SP3: variants seen among roughly 807,000 people sequenced by gnomAD.
The protein encoded by SP3 is transcription factor Sp3.
SP3 carries 10 observed loss-of-function variants against 70.3 expected under a neutral mutation model. The ratio of observed to expected loss-of-function variants is 0.14; its 90% confidence interval spans 0.09 to 0.24. The LOEUF (loss-of-function observed/expected upper bound fraction) is 0.24, where lower values mean the gene tolerates loss of function less well. Among genes scored for constraint, SP3 ranks in the 10% least tolerant of loss-of-function variants. The pLI is 1.00. For synonymous variants in SP3, 402 were observed against 333.5 expected, an observed-to-expected ratio of 1.21 and a Z score of -2.24; for missense variants, 825 against 914.6, an observed-to-expected ratio of 0.90 and a Z score of 1.26.
chr2:173,924,069 C>T (rs893171132), intron 4 of SP3, among the ~76,000 whole-genome samples: 8 of 151,868 alleles, frequency 5.3e-5, no homozygotes, highest in African/African-American at 1.9e-4. Context: ...TAAATGTTAT[C>T]CCCTTACCAA....
chr2:173,964,990 G>A, intron 1 of SP3, 175 bp downstream of exon 1: 1 of 817,602 alleles, frequency 1.2e-6, no homozygotes, highest in Non-Finnish European at 1.8e-6. Context: ...TTCGGGGGTG[G>A]ACGGTGGCTG....
intron 4 of SP3, among the ~76,000 whole-genome samples, chr2:173,924,022 AAAG>A (rs1689838508): frequency 6.6e-6 from 1 of 152,040 alleles, no homozygotes. Context: ...ACTAATGCTA[AAAG>A]AAGTTAACAC....
At chr2:173,953,828 T>C (rs564226329) in intron 4 of SP3, among the ~76,000 whole-genome samples, 2 of 151,510 alleles carry the variant, frequency 1.3e-5, no homozygotes, top group East Asian at 3.9e-4. Flanking sequence ...TCAGAAATCC[T>C]AATCCCAACC....
chr2:173,964,598 T>A (rs774965909), intron 1 of SP3, 45 bp from the exon 2 acceptor site: 8 of 503,682 alleles, frequency 1.6e-5, no homozygotes, highest in South Asian at 1.3e-4. Context: ...GGAAGGCGGG[T>A]GGCGGAGAGG....
chr2:173,932,416 CCT>C (rs1690090690), intron 4 of SP3, among the ~76,000 whole-genome samples: 1 of 152,144 alleles, frequency 6.6e-6, no homozygotes, highest in African/African-American at 2.4e-5. Flanking sequence ...CACTTGAACC[CCT>C]GACCTCAACT....
intron 4 of SP3, among the ~76,000 whole-genome samples, chr2:173,932,401 G>C (rs1038110133): frequency 1.3e-5 from 2 of 152,112 alleles, no homozygotes; most frequent in Non-Finnish European, 2.9e-5. Context: ...ATGTTGGCCA[G>C]GCTGCACTTG....
chr2:173,920,644 G>C (rs1315372798), intron 4 of SP3, among the ~76,000 whole-genome samples: 1 of 151,952 alleles, frequency 6.6e-6, no homozygotes, highest in Non-Finnish European at 1.5e-5. Flanking sequence ...GTCTTGCTCT[G>C]TGGTGGCGTG....
intron 5 of SP3, chr2:173,916,016 C>G (rs531211024): frequency 3.3e-5 from 5 of 152,094 alleles, no homozygotes; most frequent in Non-Finnish European, 5.9e-5. Flanking sequence ...TTTTTAATTA[C>G]TATCTGTATC....
chr2:173,926,256 A>T (rs76012151), intron 4 of SP3, among the ~76,000 whole-genome samples: 1,553 of 152,314 alleles, frequency 0.01, 30 homozygotes, highest in African/African-American at 0.035. Flanking sequence ...CTTCTTTAGT[A>T]AGACCAATGA....
rs530301197 is a variant in SP3, at chr2:173,904,199, C to T, written c.*5742G>A. Among the ~76,000 whole-genome samples the T allele has an allele frequency of 5.3e-5, 8 of 152,242 alleles. No individual in the cohort carries two copies. Among genetic ancestry groups the T allele is most frequent in the Admixed American group, 3.3e-4 (5 of 15,304 alleles). ...TGCTCGCTTACCTCCTGCTGTATGG[C>T]CTGGTTCCTCACAGACCAGGGACCA... On this transcript the variant is annotated 3_prime_UTR_variant, in exon 7 of 7. Transcript: ENST00000310015.
intron 2 of SP3, 141 bp from the exon 3 acceptor site, chr2:173,964,024 T>C (rs1318582377): frequency 3.2e-5 from 13 of 400,954 alleles, no homozygotes; most frequent in Middle Eastern, 7.0e-4. Flanking sequence ...CTCCTCCTCC[T>C]CCTCCTCCTC....
chr2:173,957,214 A>G (rs1432964374), intron 3 of SP3, among the ~76,000 whole-genome samples: 1 of 152,192 alleles, frequency 6.6e-6, no homozygotes, highest in African/African-American at 2.4e-5. Context: ...ACTGAATTCA[A>G]ACATTTGAAC....
chr2:173,963,225 G>C (rs186803651), intron 3 of SP3: 1 of 152,106 alleles, frequency 6.6e-6, no homozygotes, highest in Non-Finnish European at 1.5e-5. Context: ...AAAATTCAAC[G>C]ATTTTGAATG....
At chr2:173,961,929 G>C (rs1279364810) in intron 3 of SP3, among the ~76,000 whole-genome samples, 1 of 113,896 alleles carries the variant, frequency 8.8e-6, no homozygotes, top group African/African-American at 3.5e-5. Context: ...TAAATATATG[G>C]TTTGGGTTTT....
intron 4 of SP3, among the ~76,000 whole-genome samples, chr2:173,952,346 T>C (rs1362547901): frequency 6.6e-6 from 1 of 152,154 alleles, no homozygotes; most frequent in African/African-American, 2.4e-5. Flanking sequence ...ACTACAAAGA[T>C]ATGCAGTAGG....
At chr2:173,933,647 TATATATATATATATATATATATATA>T (rs1690131152) in intron 4 of SP3, among the ~76,000 whole-genome samples, 1 of 133,342 alleles carries the variant, frequency 7.5e-6, no homozygotes, top group Non-Finnish European at 1.6e-5. Context: ...TTTATATATA[TATATATATATATATATATATATATA>T]AAAGTTATAA....
chr2:173,960,892 T>C (rs981466469), intron 3 of SP3, among the ~76,000 whole-genome samples: 2 of 152,036 alleles, frequency 1.3e-5, no homozygotes, highest in African/African-American at 4.8e-5. Flanking sequence ...AGGAGAATGC[T>C]GTGAACCCAG....
chr2:173,933,117 C>T (rs531227286), intron 4 of SP3, among the ~76,000 whole-genome samples: 3 of 152,070 alleles, frequency 2.0e-5, no homozygotes, highest in African/African-American at 4.8e-5. Flanking sequence ...TGCTCAAATG[C>T]GAGGTTGCCA....
At chr2:173,942,934 TTAGG>T (rs1559102696) in intron 4 of SP3, among the ~76,000 whole-genome samples, 1 of 152,178 alleles carries the variant, frequency 6.6e-6, no homozygotes, top group Non-Finnish European at 1.5e-5. Context: ...TTACATTATA[TTAGG>T]TATTATAAGT....
Sources: gnomAD v4.1 joint callset for allele counts (sites outside exome capture counted in the v4.1 genomes callset) on GRCh38, gnomAD v4.1.1 for gene constraint, MANE v1.5 for transcripts, NCBI Gene and HGNC (gene_info 2026-07-23, HGNC 2026-07-21) for gene names.